MTF1: variants seen among roughly 807,000 people sequenced by gnomAD.
MTF1 encodes MRE-binding transcription factor.
Under a neutral mutation model 70.4 loss-of-function variants are expected in MTF1, and 22 were observed. The observed-to-expected ratio is 0.31, with a 90% CI of 0.22 to 0.45. The LOEUF (loss-of-function observed/expected upper bound fraction) is 0.45, where lower values mean the gene tolerates loss of function less well. Ranked by LOEUF, MTF1 falls within the 20% of genes least tolerant of loss-of-function variation. MTF1 has a pLI of 1.00. For synonymous variants in MTF1, 333 were observed against 352.8 expected (o/e 0.94, Z 0.63); for missense variants, 649 against 922.0 (o/e 0.70, Z 3.83).
At chr1:37,819,011 T>A (rs1640867950) in intron 9 of MTF1, among the ~76,000 whole-genome samples, 1 of 145,558 alleles carries the variant, frequency 6.9e-6, no homozygotes. Context: ...AAAAAAAAAA[T>A]GAAGAGGAAG....
intron 2 of MTF1, among the ~76,000 whole-genome samples, chr1:37,845,070 T>C (rs1006987177): frequency 6.6e-6 from 1 of 152,232 alleles, no homozygotes; most frequent in African/African-American, 2.4e-5. Context: ...GTAAGCTCCA[T>C]GAGAGCAAGG....
chr1:37,848,264 A>G (rs1224978346), intron 2 of MTF1, among the ~76,000 whole-genome samples: 1 of 152,230 alleles, frequency 6.6e-6, no homozygotes, highest in East Asian at 1.9e-4. Context: ...TGCACCAGAC[A>G]CTATGCTAAA....
In MTF1 at chr1:37,857,355, G is replaced by C; in HGVS notation, c.304C>G (p.Gln102Glu). ...CCAGGGTTTATTGTCAAATGAATCT[G>C]ATCTGGTGAGATAATGTGCTGCACA... The part of the protein sequence containing the change: ...GYVQHIISPD[Q>E]IHLTINPGST... The change falls in exon 2 of 11, where the codon CAG becomes GAG. Residue 102 changes from glutamine (Q) to glutamate (E), a missense_variant. Gln to Glu is a conservative substitution (Grantham distance 29, BLOSUM62 2). Coordinates refer to ENST00000373036, the MANE Select transcript of MTF1 (RefSeq NM_005955.3). 1 of 1,614,178 alleles carries C rather than the reference G, an allele frequency of 6.2e-7. No individual in the cohort carries two copies. The highest frequency in any genetic ancestry group is 8.5e-7 in the Non-Finnish European group (1 of 1,180,022).
At position 37,832,744 on chromosome 1, in the gene MTF1, C is replaced by T. The variant is rs548224294; in HGVS notation, c.991-422G>A. 1.3e-4 allele frequency among the ~76,000 whole-genome samples: 20 copies of T among 152,210 alleles called. No individual in the cohort carries two copies. The East Asian group carries it at 2.9e-3, about 22-fold the overall frequency. On this transcript the variant is annotated intron_variant, in intron 6 of 10. Transcript: ENST00000373036. Reference sequence around the variant, plus strand: ...TTTAGAGGCTGAGAGTGGTGGCTCACGCCTGTAATCCCAGCAATTTGGGAG... The same window carrying T: ...TTTAGAGGCTGAGAGTGGTGGCTCATGCCTGTAATCCCAGCAATTTGGGAG...
intron 2 of MTF1, among the ~76,000 whole-genome samples, chr1:37,853,926 G>A (rs902783931): frequency 6.6e-6 from 1 of 152,200 alleles, no homozygotes; most frequent in Admixed American, 6.5e-5. Flanking sequence ...CTTTATAAAT[G>A]TTTGTTGAGT....
At chr1:37,822,763 A>C (rs1458878184) in intron 8 of MTF1, 47 bp from the exon 9 acceptor site, 1 of 1,378,150 alleles carries the variant, frequency 7.3e-7, no homozygotes, top group Non-Finnish European at 1.0e-6. Flanking sequence ...CCCAAGCCTT[A>C]GATGAGCCAC....
chr1:37,851,859 TAAA>T (rs374629951), intron 2 of MTF1, among the ~76,000 whole-genome samples: 2 of 136,854 alleles, frequency 1.5e-5, no homozygotes, highest in Non-Finnish European at 1.6e-5. Flanking sequence ...CAAACTTATT[TAAA>T]AAAAAAAAAA....
Position 37,811,791 on chromosome 1 carries a change from C to T in MTF1, c.*3345G>A, listed in dbSNP as rs1447214908. On this transcript the variant is annotated 3_prime_UTR_variant, in exon 11 of 11. Transcript: ENST00000373036. ...AGAGAGATCTTCACATCTTAAGGCC[C>T]CTCCTGGGCTTTGTACCATGATCTC... 1.3e-5 allele frequency: 2 copies of T among 152,452 alleles called. No homozygotes were observed. The highest frequency in any genetic ancestry group is 2.9e-5 in the Non-Finnish European group (2 of 68,042). The allele number at this position is 152,452 out of a possible 1,614,324, so 9.4% of individuals were successfully genotyped here.
At chr1:37,821,999 T>C in intron 9 of MTF1, 122 bp downstream of exon 9, 1 of 759,400 alleles carries the variant, frequency 1.3e-6, no homozygotes, top group South Asian at 2.0e-5. Context: ...GACTAAAAGG[T>C]AGAATTACAT....
chr1:37,832,333 G>GA lies in MTF1; in HGVS notation c.991-12dup. ...TGAGTGATTTGTATCCTGTGAAAGA[G>GA]AAAAAATTCTAATTGAGTAACAAAA... is the stretch of plus-strand genomic sequence containing the variant. On this transcript the variant is annotated splice_polypyrimidine_tract_variant and intron_variant, in intron 6 of 10. Transcript: ENST00000373036. 1 of 1,588,642 alleles carries GA rather than the reference G, an allele frequency of 6.3e-7. No homozygotes were observed. Among genetic ancestry groups the GA allele is most frequent in the Non-Finnish European group, 8.6e-7 (1 of 1,160,186 alleles).
chr1:37,826,226 A>G lies in MTF1; in HGVS notation c.1069-2414T>C, dbSNP rs565456411. Among the ~76,000 whole-genome samples, 21 of 152,298 alleles carry G rather than the reference A, an allele frequency of 1.4e-4. No homozygotes were observed. The South Asian group carries it at 4.1e-3, about 30-fold the overall frequency. ...AGTGTGGTGATGAGTGGGGCTGTCC[A>G]CCAATCTAGAAGTGCTCAAAGATTA... On this transcript the variant is annotated intron_variant, in intron 7 of 10. Transcript: ENST00000373036.
intron 4 of MTF1, among the ~76,000 whole-genome samples, chr1:37,837,767 A>G (rs533589758): frequency 1.3e-5 from 2 of 152,166 alleles, no homozygotes; most frequent in Admixed American, 6.5e-5. Context: ...CAGCCTCCCA[A>G]ATTGCTGGAA....
intron 7 of MTF1, among the ~76,000 whole-genome samples, chr1:37,829,115 CTTT>C (rs981108286): frequency 8.9e-6 from 1 of 112,958 alleles, no homozygotes; most frequent in Admixed American, 8.8e-5. Flanking sequence ...CTGATTCTCT[CTTT>C]TTTTTCTTTT....
intron 2 of MTF1, chr1:37,841,015 C>A: frequency 4.6e-6 from 1 of 218,910 alleles, no homozygotes; most frequent in South Asian, 6.2e-5. Flanking sequence ...GCTGCCTGGT[C>A]CAGGACATGA....
Position 37,815,091 on chromosome 1 carries a change from C to T in MTF1, c.*45G>A. ...TGATGGCAGGCATTGTACCTCATGC[C>T]TCCTGCTCACCCGCTTTTCCCAGAG... is the stretch of plus-strand genomic sequence containing the variant. On this transcript the variant is annotated 3_prime_UTR_variant, in exon 11 of 11. Coordinates refer to ENST00000373036, the MANE Select transcript of MTF1 (RefSeq NM_005955.3). This position sits in a 1 kb window ranked among gnomAD's most constrained non-coding sequence, Gnocchi z 4.5. 6.4e-7 allele frequency: 1 copy of T among 1,556,366 alleles called. No individual in the cohort carries two copies. Among genetic ancestry groups the T allele is most frequent in the South Asian group, 1.1e-5 (1 of 87,688 alleles).
intron 2 of MTF1, among the ~76,000 whole-genome samples, chr1:37,852,651 A>G (rs1175897027): frequency 2.6e-5 from 4 of 151,148 alleles, no homozygotes. Context: ...TTTTTTTCCA[A>G]CCAGATTCTC....
intron 7 of MTF1, among the ~76,000 whole-genome samples, chr1:37,827,065 G>T (rs1641013055): frequency 1.3e-5 from 2 of 152,080 alleles, no homozygotes; most frequent in South Asian, 4.1e-4. Flanking sequence ...TTTTCATTGT[G>T]ACACAAAGTA....
At chr1:37,854,317 T>C (rs898565674) in intron 2 of MTF1, among the ~76,000 whole-genome samples, 1 of 152,174 alleles carries the variant, frequency 6.6e-6, no homozygotes. Context: ...CCGGGAGATA[T>C]TCTTAATAAG....
intron 6 of MTF1, among the ~76,000 whole-genome samples, chr1:37,833,526 C>G (rs1641119427): frequency 6.6e-6 from 1 of 152,210 alleles, no homozygotes; most frequent in South Asian, 2.1e-4. Flanking sequence ...CCTATTCATG[C>G]ACACACTCAA....
Sources: allele counts gnomAD v4.1 joint callset (sites outside exome capture counted in the v4.1 genomes callset), GRCh38; gene constraint gnomAD v4.1.1; non-coding constraint Gnocchi (gnomAD v3.1); transcripts MANE v1.5; gene names NCBI Gene and HGNC (gene_info 2026-07-23, HGNC 2026-07-21).